The following PPP2R2C variants were observed in gnomAD, a reference collection of about 807,000 sequenced individuals.
PPP2R2C encodes protein phosphatase 2 regulatory subunit Bgamma.
In PPP2R2C, 10 loss-of-function variants were observed where a neutral mutation model predicts 45.3. That is an observed-to-expected ratio of 0.22 (90% CI 0.14 to 0.37). The LOEUF (loss-of-function observed/expected upper bound fraction) is 0.37, where lower values mean the gene tolerates loss of function less well. Among genes scored for constraint, PPP2R2C ranks in the 10% least tolerant of loss-of-function variants. PPP2R2C has a pLI of 1.00. For synonymous variants in PPP2R2C, 257 were observed against 245.4 expected (o/e 1.05, Z -0.44); for missense variants, 308 against 619.7 (o/e 0.50, Z 5.34).
At chr4:6,357,967 A>G (rs887423903) in intron 5 of PPP2R2C, among the ~76,000 whole-genome samples, 5 of 152,224 alleles carry the variant, frequency 3.3e-5, no homozygotes, top group Non-Finnish European at 5.9e-5. Flanking sequence ...GACTTTCTTC[A>G]CAGAACTGGA....
At chr4:6,337,112 G>GTGTGTGTGTGTGTATA (rs1202845732) in intron 6 of PPP2R2C, among the ~76,000 whole-genome samples, 2 of 30,102 alleles carry the variant, frequency 6.6e-5, no homozygotes, top group African/African-American at 2.1e-4. Flanking sequence ...ATGTGTGTGT[G>GTGTGTGTGTGTGTATA]TATATATATA....
At position 6,471,768 on chromosome 4, in the gene PPP2R2C, T is replaced by A. The variant is rs572158856; in HGVS notation, c.70+392A>T. 5.5e-6 allele frequency: 1 copy of A among 181,996 alleles called. No homozygotes were observed. Among genetic ancestry groups the A allele is most frequent in the East Asian group, 1.4e-4 (1 of 6,982 alleles). 11.3% of individuals were successfully genotyped at this position (181,996 alleles called of 1,614,324 possible). ...CTGCGGGCTTTGGGCAGGGCTGAAATGGCAAATCCAGGATTTAAACCATTA... is the reference window on the plus strand; with the variant it reads ...CTGCGGGCTTTGGGCAGGGCTGAAAAGGCAAATCCAGGATTTAAACCATTA... On this transcript the variant is annotated intron_variant, in intron 1 of 8. Coordinates refer to ENST00000382599, the MANE Select transcript of PPP2R2C (RefSeq NM_020416.4). This position sits in a 1 kb window ranked among gnomAD's most constrained non-coding sequence, Gnocchi z 5.6.
intron 1 of PPP2R2C, among the ~76,000 whole-genome samples, chr4:6,431,257 C>A (rs1719600179): frequency 6.6e-6 from 1 of 152,194 alleles, no homozygotes. Context: ...GTATAAATAC[C>A]CCTGCCCTGG....
chr4:6,505,512 C>G (rs1436081671), intron 2 of PPP2R2C, among the ~76,000 whole-genome samples: 1 of 152,074 alleles, frequency 6.6e-6, no homozygotes, highest in African/African-American at 2.4e-5. Flanking sequence ...GTACAGGTAC[C>G]TATTGTTATG....
chr4:6,401,662 C>G lies in PPP2R2C; in HGVS notation c.71-20568G>C, dbSNP rs534940742. Among the ~76,000 whole-genome samples the G allele has an allele frequency of 1.9e-3, 290 of 152,278 alleles. 3 individuals carry two copies. Among genetic ancestry groups the G allele is most frequent in the Admixed American group, 0.018 (268 of 15,302 alleles). Reference sequence around the variant, plus strand: ...GTGATCTCATGAGCCTGAGAGCCCTCTGTCATCACAATTTTATCCAAGTGT... The same window carrying G: ...GTGATCTCATGAGCCTGAGAGCCCTGTGTCATCACAATTTTATCCAAGTGT... On this transcript the variant is annotated intron_variant, in intron 1 of 8. Coordinates refer to ENST00000382599, the MANE Select transcript of PPP2R2C (RefSeq NM_020416.4).
chr4:6,381,279 CCCT>C (rs1308712113), intron 1 of PPP2R2C, 185 bp from the exon 2 acceptor site: 1 of 1,530,202 alleles, frequency 6.5e-7, no homozygotes, highest in East Asian at 2.5e-5. Context: ...TCCCCTCCTG[CCCT>C]CCTCTTCCCT....
chr4:6,424,054 C>T (rs529146815), intron 1 of PPP2R2C, among the ~76,000 whole-genome samples: 115 of 152,334 alleles, frequency 7.5e-4, no homozygotes, highest in African/African-American at 1.5e-3. Context: ...GGAAGGGCCA[C>T]GGCAGAAGCT....
At chr4:6,419,485 G>C (rs187280124) in intron 1 of PPP2R2C, among the ~76,000 whole-genome samples, 183 of 152,024 alleles carry the variant, frequency 1.2e-3, no homozygotes, top group African/African-American at 4.1e-3. Flanking sequence ...ATGCAACAGA[G>C]ATTTACACAG....
chr4:6,355,984 C>A (rs1195346904), intron 5 of PPP2R2C, among the ~76,000 whole-genome samples: 1 of 93,064 alleles, frequency 1.1e-5, no homozygotes, highest in Non-Finnish European at 2.2e-5. Context: ...CAGAGTGAGA[C>A]TCTGCCTGGA....
rs1026015075 is a variant in PPP2R2C, at chr4:6,328,661, G to A, written c.1052+601C>T. On this transcript the variant is annotated intron_variant, in intron 8 of 8. Transcript: ENST00000382599. This position sits in a 1 kb window ranked among gnomAD's most constrained non-coding sequence, Gnocchi z 4.4. ...CTGAGCCCAGGCTAGGGAGACACAG[G>A]AACTCACTTCTGGCACTGGGGCGCC... Among the ~76,000 whole-genome samples the A allele has an allele frequency of 1.3e-5, 2 of 152,208 alleles. No homozygotes were observed. Among genetic ancestry groups the A allele is most frequent in the Non-Finnish European group, 2.9e-5 (2 of 68,030 alleles).
At chr4:6,386,406 CCAGAGGGGG>C (rs1187612530) in intron 1 of PPP2R2C, among the ~76,000 whole-genome samples, 1 of 152,204 alleles carries the variant, frequency 6.6e-6, no homozygotes, top group African/African-American at 2.4e-5. Context: ...AGACAGATCC[CCAGAGGGGG>C]CAAATAAACT....
chr4:6,365,382 G>A (rs937525925), intron 5 of PPP2R2C, among the ~76,000 whole-genome samples: 2 of 152,208 alleles, frequency 1.3e-5, no homozygotes, highest in South Asian at 2.1e-4. Context: ...AAGAAGAGGT[G>A]GCCTGTAAGG....
At chr4:6,334,652 CAG>C (rs1369181804) in intron 6 of PPP2R2C, among the ~76,000 whole-genome samples, 2 of 152,162 alleles carry the variant, frequency 1.3e-5, no homozygotes, top group Non-Finnish European at 2.9e-5. Context: ...ACCTGGGCCA[CAG>C]AGAGACCCAG....
chr4:6,481,214 G>T (rs1722337671), intron 2 of PPP2R2C, among the ~76,000 whole-genome samples: 1 of 152,148 alleles, frequency 6.6e-6, no homozygotes, highest in Non-Finnish European at 1.5e-5. Context: ...CAGGCATTTT[G>T]CCTTTTGTGT....
intron 1 of PPP2R2C, among the ~76,000 whole-genome samples, chr4:6,561,620 CACAA>C (rs1560623913): frequency 6.6e-6 from 1 of 152,024 alleles, no homozygotes; most frequent in Non-Finnish European, 1.5e-5. Flanking sequence ...CGGAGAGAGA[CACAA>C]ACACACACAC....
chr4:6,543,368 C>T (rs1392156760), intron 1 of PPP2R2C, among the ~76,000 whole-genome samples: 1 of 152,120 alleles, frequency 6.6e-6, no homozygotes, highest in Non-Finnish European at 1.5e-5. Flanking sequence ...CTCCTATGGG[C>T]CAACCAGGGC....
At chr4:6,494,250 G>A (rs1722803102) in intron 2 of PPP2R2C, among the ~76,000 whole-genome samples, 1 of 152,172 alleles carries the variant, frequency 6.6e-6, no homozygotes, top group Non-Finnish European at 1.5e-5. Flanking sequence ...GGGGACGCAG[G>A]AGATCCTGGT....
chr4:6,548,203 G>A (rs1725057591), intron 1 of PPP2R2C, among the ~76,000 whole-genome samples: 2 of 151,850 alleles, frequency 1.3e-5, no homozygotes, highest in Non-Finnish European at 2.9e-5. Context: ...GGGCAACAGA[G>A]TGAGACTCTG....
intron 1 of PPP2R2C, among the ~76,000 whole-genome samples, chr4:6,412,672 G>A (rs546054860): frequency 1.5e-4 from 23 of 152,324 alleles, no homozygotes; most frequent in Non-Finnish European, 7.4e-5. Flanking sequence ...GCCCTGCAGG[G>A]AGAAGGCTGA....
Sources: gnomAD v4.1 joint callset for allele counts (sites outside exome capture counted in the v4.1 genomes callset) on GRCh38, gnomAD v4.1.1 for gene constraint, Gnocchi (gnomAD v3.1) non-coding constraint, MANE v1.5 for transcripts, NCBI Gene and HGNC (gene_info 2026-07-23, HGNC 2026-07-21) for gene names.